The following TBC1D5 variants were observed in gnomAD, a reference collection of about 807,000 sequenced individuals.
TBC1D5 encodes TBC1 domain family member 5.
TBC1D5 carries 75 observed loss-of-function variants against 100.3 expected under a neutral mutation model. That is an observed-to-expected ratio of 0.75 (90% confidence interval 0.62 to 0.91). The LOEUF is 0.91. Among genes scored for constraint, TBC1D5 ranks in the 40% least tolerant of loss-of-function variants. The pLI is 0.00. For missense variants in TBC1D5, 910 were observed against 942.4 expected, an observed-to-expected ratio of 0.97 and a Z score of 0.45; for synonymous variants, 323 against 325.6, an observed-to-expected ratio of 0.99 and a Z score of 0.09.
chr3:17,304,935 T>G (rs2083256520), intron 14 of TBC1D5, among the ~76,000 whole-genome samples: 2 of 152,192 alleles, frequency 1.3e-5, no homozygotes, highest in Admixed American at 1.3e-4. Context: ...TTCTTTGTTT[T>G]TATTTAGTTA....
chr3:17,602,879 A>G (rs186950151), intron 2 of TBC1D5, among the ~76,000 whole-genome samples: 73 of 152,060 alleles, frequency 4.8e-4, no homozygotes, highest in Admixed American at 2.0e-3. Context: ...CCGGCCGACA[A>G]TCAGATTTTT....
chr3:17,672,762 A>G (rs1434494011), intron 1 of TBC1D5: 2 of 152,236 alleles, frequency 1.3e-5, no homozygotes, highest in Admixed American at 6.5e-5. Context: ...CTCTAGTGGC[A>G]TCAAATTGCC....
intron 13 of TBC1D5, among the ~76,000 whole-genome samples, chr3:17,360,486 C>A (rs2091602576): frequency 6.6e-6 from 1 of 151,854 alleles, no homozygotes; most frequent in Non-Finnish European, 1.5e-5. Flanking sequence ...CCTAGAATGG[C>A]AAATATAGCT....
chr3:17,507,327 C>A (rs1273389842), intron 3 of TBC1D5, among the ~76,000 whole-genome samples: 1 of 151,966 alleles, frequency 6.6e-6, no homozygotes, highest in Non-Finnish European at 1.5e-5. Context: ...AAACATAAGT[C>A]TTGAGTTCTT....
chr3:17,207,881 C>T (rs1324592576), intron 18 of TBC1D5, among the ~76,000 whole-genome samples: 1 of 152,200 alleles, frequency 6.6e-6, no homozygotes, highest in Non-Finnish European at 1.5e-5. Flanking sequence ...TTAACATAAA[C>T]AGTTTCTTGA....
intron 14 of TBC1D5, among the ~76,000 whole-genome samples, chr3:17,297,493 T>C (rs2082370955): frequency 6.6e-6 from 1 of 151,628 alleles, no homozygotes; most frequent in African/African-American, 2.4e-5. Context: ...GGAGAATCAC[T>C]TGGACCCGGG....
intron 16 of TBC1D5, among the ~76,000 whole-genome samples, chr3:17,252,486 T>C (rs2077258518): frequency 6.6e-6 from 1 of 152,210 alleles, no homozygotes; most frequent in Admixed American, 6.5e-5. Context: ...GACCCCTGCC[T>C]GACATATAAG....
intron 1 of TBC1D5, among the ~76,000 whole-genome samples, chr3:17,637,188 ATTTTTTTT>A (rs1186523023): frequency 5.2e-5 from 5 of 95,474 alleles, no homozygotes; most frequent in South Asian, 3.9e-4. Context: ...TGCCCGACTA[ATTTTTTTT>A]TTTTTTTTTT....
At chr3:17,264,545 A>T (rs745824098) in intron 15 of TBC1D5, among the ~76,000 whole-genome samples, 4 of 152,236 alleles carry the variant, frequency 2.6e-5, no homozygotes, top group Non-Finnish European at 5.9e-5. Context: ...GTAGAGGTGA[A>T]GTTATACGTT....
At chr3:17,360,463 T>TTA (rs150422069) in intron 13 of TBC1D5, among the ~76,000 whole-genome samples, 13 of 151,860 alleles carry the variant, frequency 8.6e-5, no homozygotes, top group African/African-American at 1.7e-4. Context: ...TACTACCTTT[T>TTA]TATATATATA....
chr3:17,307,980 A>C lies in TBC1D5; in HGVS notation c.1138+12T>G, dbSNP rs1407898075. 4 of 1,599,946 alleles carry C rather than the reference A, an allele frequency of 2.5e-6. No individual in the cohort carries two copies. Among genetic ancestry groups the C allele is most frequent in the African/African-American group, 1.3e-5 (1 of 74,088 alleles). ...TACCTAGTCAAATGTAGGAAAGGTC[A>C]TTAATACTTACAAGCATCTCGGATG... On this transcript the variant is annotated intron_variant, in intron 14 of 21. Coordinates refer to ENST00000253692, the Ensembl canonical transcript of TBC1D5.
intron 3 of TBC1D5, among the ~76,000 whole-genome samples, chr3:17,445,342 T>C (rs1399808410): frequency 2.0e-5 from 3 of 152,048 alleles, no homozygotes; most frequent in Non-Finnish European, 2.9e-5. Context: ...GGACGGTCTT[T>C]AGTGAAGAAC....
rs9680896 is a variant in TBC1D5 at position 17,536,093 on chromosome 3, A to T, written c.-35-27488T>A. On this transcript the variant is annotated intron_variant, in intron 2 of 21. Coordinates refer to ENST00000253692, the Ensembl canonical transcript of TBC1D5. ...CAATCTTCAATCCTATTTTCAATGC[A>T]TGCATCAAGAAGTTTCTCAAACATA... 9.9e-3 allele frequency among the ~76,000 whole-genome samples: 1,503 copies of T among 152,284 alleles called. 28 individuals carry two copies. The highest frequency in any genetic ancestry group is 0.034 in the African/African-American group (1,407 of 41,580).
chr3:17,543,520 C>A (rs911266622), intron 2 of TBC1D5, among the ~76,000 whole-genome samples: 47 of 152,084 alleles, frequency 3.1e-4, no homozygotes, highest in African/African-American at 1.1e-3. Context: ...CACCTGCAGT[C>A]CCAGCTACTT....
intron 15 of TBC1D5, among the ~76,000 whole-genome samples, chr3:17,276,092 A>G (rs1413775872): frequency 6.6e-6 from 1 of 152,204 alleles, no homozygotes; most frequent in African/African-American, 2.4e-5. Context: ...TAAGTGGCTT[A>G]TAAACAGAAC....
rs55679312 is a variant in TBC1D5, at chr3:17,724,825, G to A, written c.-101+14518C>T. Among the ~76,000 whole-genome samples the A allele has an allele frequency of 8.1e-3, 1,230 of 151,630 alleles. 14 individuals carry two copies. The highest frequency in any genetic ancestry group is 0.028 in the African/African-American group (1,136 of 41,296). On this transcript the variant is annotated intron_variant, in intron 1 of 21. Transcript: ENST00000253692. ...TATATATCTTACCCTCTTTCTTTTT[G>A]CCCATTTCCTTCTCTGTGATACATT...
At chr3:17,239,377 C>T (rs1459408641) in intron 16 of TBC1D5, among the ~76,000 whole-genome samples, 1 of 152,168 alleles carries the variant, frequency 6.6e-6, no homozygotes, top group Non-Finnish European at 1.5e-5. Flanking sequence ...TTTACTGTAT[C>T]ATTTCCATTA....
chr3:17,550,335 T>A (rs2096461542), intron 2 of TBC1D5, among the ~76,000 whole-genome samples: 1 of 152,198 alleles, frequency 6.6e-6, no homozygotes, highest in Non-Finnish European at 1.5e-5. Flanking sequence ...ATTACCTTGC[T>A]GATTCCTATC....
chr3:17,248,907 G>T (rs1040039893), intron 16 of TBC1D5, among the ~76,000 whole-genome samples: 5 of 152,070 alleles, frequency 3.3e-5, no homozygotes, highest in Admixed American at 3.3e-4. Flanking sequence ...TGGATAACTC[G>T]CTGCAGCTTC....
Sources: allele counts gnomAD v4.1 joint callset (sites outside exome capture counted in the v4.1 genomes callset), GRCh38; gene constraint gnomAD v4.1.1; transcripts MANE v1.5; gene names NCBI Gene and HGNC (gene_info 2026-07-23, HGNC 2026-07-21).